Variants in CORO2B observed in about 807,000 individuals in gnomAD.
The protein encoded by CORO2B is coronin 2B, also known as coronin-2B.
A neutral mutation model predicts 58.8 loss-of-function variants in CORO2B; 26 were observed. That is an observed-to-expected ratio of 0.44 (90% CI 0.32 to 0.61). CORO2B has a LOEUF of 0.61. Ranked by LOEUF, CORO2B falls within the 20% of genes least tolerant of loss-of-function variation. The pLI is 0.04. For synonymous variants in CORO2B, 242 were observed against 253.8 expected, an observed-to-expected ratio of 0.95 and a Z score of 0.44; for missense variants, 460 against 645.1, an observed-to-expected ratio of 0.71 and a Z score of 3.11.
chr15:68,711,418 AC>A (rs1892913855), intron 4 of CORO2B, 123 bp from the exon 5 acceptor site: 2 of 722,198 alleles, frequency 2.8e-6, no homozygotes, highest in Admixed American at 6.1e-5. Context: ...CCCCTCCTGC[AC>A]CCCAGCACAC....
At position 68,710,821 on chromosome 15, in the gene CORO2B, GC is replaced by G; in HGVS notation, c.424del (p.Leu142TrpfsTer32). On this transcript the variant is annotated frameshift_variant, in exon 4 of 12. Coordinates refer to ENST00000261861, the MANE Select transcript of CORO2B (RefSeq NM_006091.5). LOFTEE classifies it high-confidence loss of function. The surrounding 1 kb of genome is among the most constrained non-coding windows in gnomAD (Gnocchi z 4.1). ...ELHGHSRRVG[L>X]VEWHPTTNNI... ...TGCACGGGCACAGCCGGCGTGTGGGGCTGGTCGAGTGGCACCCCACCACCAA... is the reference window on the plus strand; with the variant it reads ...TGCACGGGCACAGCCGGCGTGTGGGGTGGTCGAGTGGCACCCCACCACCAA... 1 of 1,611,812 alleles carries G rather than the reference GC, an allele frequency of 6.2e-7. No homozygotes were observed. The highest frequency in any genetic ancestry group is 8.5e-7 in the Non-Finnish European group (1 of 1,179,206).
At chr15:68,647,550 G>A (rs1028396702) in intron 2 of CORO2B, among the ~76,000 whole-genome samples, 1 of 152,100 alleles carries the variant, frequency 6.6e-6, no homozygotes, top group East Asian at 1.9e-4. Context: ...TTAGCCAGGC[G>A]TGGTGGCACA....
At chr15:68,553,414 G>A in the CORO2B span, among the ~76,000 whole-genome samples, 6 of 152,164 alleles carry the variant, frequency 3.9e-5, no homozygotes, top group Non-Finnish European at 7.4e-5. Flanking sequence ...GATGATGGAA[G>A]TGAAGGGCTG....
intron 11 of CORO2B, among the ~76,000 whole-genome samples, chr15:68,725,056 G>A (rs1893258972): frequency 6.6e-6 from 1 of 152,284 alleles, no homozygotes; most frequent in East Asian, 1.9e-4. Flanking sequence ...AGGATACAAA[G>A]CATTTTAGAA....
chr15:68,674,428 C>T (rs566819577), intron 2 of CORO2B, among the ~76,000 whole-genome samples: 2 of 152,212 alleles, frequency 1.3e-5, no homozygotes, highest in Admixed American at 6.5e-5. Flanking sequence ...TGATTGTGTG[C>T]CCTGGGTCTT....
intron 1 of CORO2B, among the ~76,000 whole-genome samples, chr15:68,626,691 G>A (rs971122073): frequency 6.6e-6 from 1 of 152,204 alleles, no homozygotes; most frequent in Non-Finnish European, 1.5e-5. Flanking sequence ...AGAATACAGA[G>A]GCTCAGGCCC....
chr15:68,714,315 G>A (rs1369726673), intron 6 of CORO2B, among the ~76,000 whole-genome samples: 1 of 152,198 alleles, frequency 6.6e-6, no homozygotes, highest in Non-Finnish European at 1.5e-5. Context: ...CACATAGCAA[G>A]TAGCAGGTTT....
chr15:68,543,182 A>G, the CORO2B span, among the ~76,000 whole-genome samples: 690 of 152,246 alleles, frequency 4.5e-3, 6 homozygotes, highest in African/African-American at 0.016. Context: ...GGCCTTCGAG[A>G]CAGAAGGATG....
intron 1 of CORO2B, among the ~76,000 whole-genome samples, chr15:68,629,869 G>A (rs1900780213): frequency 5.3e-5 from 8 of 152,222 alleles, no homozygotes; most frequent in African/African-American, 2.4e-5. Flanking sequence ...GCATACACAC[G>A]CACTATGTCT....
intron 5 of CORO2B, among the ~76,000 whole-genome samples, chr15:68,713,013 T>A (rs1446378127): frequency 6.6e-6 from 1 of 152,122 alleles, no homozygotes; most frequent in African/African-American, 2.4e-5. Context: ...AGCCTGAATA[T>A]GTGCACTGCC....
chr15:68,531,341 C>CAAAAAAAAA, the CORO2B span, among the ~76,000 whole-genome samples: 2 of 151,494 alleles, frequency 1.3e-5, no homozygotes, highest in East Asian at 3.9e-4. Context: ...ATACAAAAAA[C>CAAAAAAAAA]AAAAAACAAG....
chr15:68,674,602 C>G (rs929234364), intron 2 of CORO2B, among the ~76,000 whole-genome samples: 2 of 152,186 alleles, frequency 1.3e-5, no homozygotes, highest in Non-Finnish European at 2.9e-5. Context: ...ACTGGACTTG[C>G]ACTGGCGGTG....
chr15:68,571,762 G>A, the CORO2B span, among the ~76,000 whole-genome samples: 1 of 152,232 alleles, frequency 6.6e-6, no homozygotes, highest in South Asian at 2.1e-4. Flanking sequence ...GGGAACAGGA[G>A]TTTGAAACAT....
chr15:68,587,047 TATAC>T (rs1183240164), intron 1 of CORO2B, among the ~76,000 whole-genome samples: 1,700 of 141,814 alleles, frequency 0.012, 90 homozygotes, highest in East Asian at 0.086. Context: ...GGGAGATATG[TATAC>T]ACACACACAC....
At chr15:68,580,974 G>A (rs1373237035) in intron 1 of CORO2B, among the ~76,000 whole-genome samples, 2 of 152,138 alleles carry the variant, frequency 1.3e-5, no homozygotes, top group Non-Finnish European at 2.9e-5. Flanking sequence ...CATGTATGTG[G>A]CAGAGCTGGG....
intron 1 of CORO2B, among the ~76,000 whole-genome samples, chr15:68,605,532 T>C (rs1323759178): frequency 1.3e-5 from 2 of 152,170 alleles, no homozygotes; most frequent in African/African-American, 2.4e-5. Flanking sequence ...CAAAATGATA[T>C]GGCAGTGTGG....
intron 2 of CORO2B, among the ~76,000 whole-genome samples, chr15:68,669,183 A>G (rs113616594): frequency 7.3e-6 from 1 of 137,570 alleles, no homozygotes; most frequent in Non-Finnish European, 1.6e-5. Context: ...GAAAAGAAAG[A>G]AAGGAAGCAA....
the CORO2B span, among the ~76,000 whole-genome samples, chr15:68,563,002 GAAAAC>G: frequency 1.3e-3 from 194 of 149,000 alleles, no homozygotes; most frequent in Non-Finnish European, 2.3e-3. Context: ...AGAAAGAAAA[GAAAAC>G]AAAAACGTAA....
intron 2 of CORO2B, among the ~76,000 whole-genome samples, chr15:68,694,898 C>T (rs1319918031): frequency 6.6e-6 from 1 of 152,212 alleles, no homozygotes; most frequent in African/African-American, 2.4e-5. Flanking sequence ...GAGCAGCAGC[C>T]TGTCCCACCA....
Sources: gnomAD v4.1 joint callset for allele counts (sites outside exome capture counted in the v4.1 genomes callset) on GRCh38, gnomAD v4.1.1 for gene constraint, Gnocchi (gnomAD v3.1) non-coding constraint, MANE v1.5 for transcripts, NCBI Gene and HGNC (gene_info 2026-07-23, HGNC 2026-07-21) for gene names.